HS6ST3: variants seen among roughly 807,000 people sequenced by gnomAD.
HS6ST3 encodes the protein heparan sulfate 6-O-sulfotransferase 3.
A neutral mutation model predicts 36.7 loss-of-function variants in HS6ST3; 12 were observed. The ratio of observed to expected loss-of-function variants is 0.33; its 90% CI spans 0.21 to 0.53. The LOEUF is 0.53. Ranked by LOEUF, HS6ST3 falls within the 20% of genes least tolerant of loss-of-function variation. The probability of loss-of-function intolerance (pLI) is 0.95; values close to 1 mark genes in which losing one functional copy is unlikely to be tolerated. For missense variants in HS6ST3, 584 were observed against 640.9 expected, an observed-to-expected ratio of 0.91 and a Z score of 0.96; for synonymous variants, 240 against 257.5, an observed-to-expected ratio of 0.93 and a Z score of 0.65.
At chr13:96,414,910 T>C (rs2055525610) in intron 1 of HS6ST3, among the ~76,000 whole-genome samples, 1 of 152,208 alleles carries the variant, frequency 6.6e-6, no homozygotes, top group African/African-American at 2.4e-5. Context: ...TAAGAAAGGA[T>C]GGAGCCTTTC....
chr13:96,560,328 A>C (rs1276649844), intron 1 of HS6ST3, among the ~76,000 whole-genome samples: 1 of 152,216 alleles, frequency 6.6e-6, no homozygotes, highest in African/African-American at 2.4e-5. Flanking sequence ...AGCTTTTAGC[A>C]AGTGTTCAGT....
chr13:96,746,833 C>G (rs1460863547), intron 1 of HS6ST3, among the ~76,000 whole-genome samples: 1 of 151,788 alleles, frequency 6.6e-6, no homozygotes, highest in East Asian at 1.9e-4. Context: ...CATCAATAGC[C>G]CTGAAAAATC....
At chr13:96,313,840 C>G (rs920917249) in intron 1 of HS6ST3, among the ~76,000 whole-genome samples, 1 of 152,124 alleles carries the variant, frequency 6.6e-6, no homozygotes, top group African/African-American at 2.4e-5. Context: ...CTGTGTGAGT[C>G]TCCTTGACTC....
intron 1 of HS6ST3, among the ~76,000 whole-genome samples, chr13:96,685,248 T>C (rs899949365): frequency 2.1e-4 from 32 of 152,118 alleles, no homozygotes; most frequent in African/African-American, 7.5e-4. Context: ...TTGATTATTT[T>C]GCTTAAGTCA....
intron 1 of HS6ST3, among the ~76,000 whole-genome samples, chr13:96,556,201 G>A (rs2138951953): frequency 6.6e-6 from 1 of 152,166 alleles, no homozygotes; most frequent in East Asian, 1.9e-4. Flanking sequence ...TTTTAAATTT[G>A]GAGAGAGGTA....
chr13:96,653,254 G>C (rs1305055483), intron 1 of HS6ST3, among the ~76,000 whole-genome samples: 1 of 151,940 alleles, frequency 6.6e-6, no homozygotes, highest in Admixed American at 6.6e-5. Flanking sequence ...TACATGTGCA[G>C]AATGTGTAGG....
At chr13:96,588,788 G>T (rs1050087515) in intron 1 of HS6ST3, among the ~76,000 whole-genome samples, 3 of 151,982 alleles carry the variant, frequency 2.0e-5, no homozygotes, top group Non-Finnish European at 4.4e-5. Flanking sequence ...GGTGGCTCAT[G>T]CCTGTAATTC....
intron 1 of HS6ST3, among the ~76,000 whole-genome samples, chr13:96,576,520 T>C (rs985583446): frequency 2.6e-5 from 4 of 152,222 alleles, no homozygotes; most frequent in Admixed American, 1.3e-4. Context: ...TCAAAAGTTG[T>C]GTTTAATTTC....
intron 1 of HS6ST3, among the ~76,000 whole-genome samples, chr13:96,093,015 A>G (rs2053772690): frequency 6.6e-6 from 1 of 152,158 alleles, no homozygotes; most frequent in South Asian, 2.1e-4. Context: ...TCAATTAAGT[A>G]TTACTTCCAA....
At chr13:96,100,220 C>T (rs765926522) in intron 1 of HS6ST3, among the ~76,000 whole-genome samples, 2 of 151,904 alleles carry the variant, frequency 1.3e-5, no homozygotes, top group East Asian at 1.9e-4. Context: ...GGAAGTAATC[C>T]ACTATCCAGA....
At chr13:96,666,582 A>G (rs866704812) in intron 1 of HS6ST3, among the ~76,000 whole-genome samples, 5 of 152,018 alleles carry the variant, frequency 3.3e-5, no homozygotes, top group Admixed American at 6.6e-5. Flanking sequence ...TCTCTTTACA[A>G]TTGCTCTCAC....
chr13:96,668,721 T>TA (rs2056673138), intron 1 of HS6ST3, among the ~76,000 whole-genome samples: 1 of 118,730 alleles, frequency 8.4e-6, no homozygotes, highest in African/African-American at 3.4e-5. Context: ...TTTTTTTTTT[T>TA]TTTTTGTATC....
At chr13:96,594,921 G>A (rs1470979326) in intron 1 of HS6ST3, among the ~76,000 whole-genome samples, 2 of 152,022 alleles carry the variant, frequency 1.3e-5, no homozygotes, top group Non-Finnish European at 2.9e-5. Context: ...GATGAACTTC[G>A]CTAGTATTTG....
At position 96,836,199 on chromosome 13, in the gene HS6ST3, A is replaced by G. The variant is rs1215653212; in HGVS notation, c.*3001A>G. On this transcript the variant is annotated 3_prime_UTR_variant, in exon 2 of 2. Transcript: ENST00000376705. ...GTGTCAAAAGCCCAAGAAAAGACAA[A>G]AAAGAAAAAAACAATCCCCAGGGGT... is the stretch of plus-strand genomic sequence containing the variant. The G allele has an allele frequency of 6.6e-6, 1 of 152,230 alleles. No individual in the cohort carries two copies. Among genetic ancestry groups the G allele is most frequent in the East Asian group, 1.9e-4 (1 of 5,194 alleles). 9.4% of individuals were successfully genotyped at this position (152,230 alleles called of 1,614,324 possible).
intron 1 of HS6ST3, among the ~76,000 whole-genome samples, chr13:96,554,681 A>C (rs1039804517): frequency 1.3e-5 from 2 of 152,118 alleles, no homozygotes; most frequent in Admixed American, 6.5e-5. Context: ...TCCTCCAGGC[A>C]TGGAGCCTAG....
Position 96,793,711 on chromosome 13 carries a change from A to G in HS6ST3, c.708-38779A>G, listed in dbSNP as rs144198542. Among the ~76,000 whole-genome samples, 658 of 152,212 alleles carry G rather than the reference A, an allele frequency of 4.3e-3. 7 individuals carry two copies. The highest frequency in any genetic ancestry group is 0.015 in the African/African-American group (615 of 41,556). ...TGACCTGATAATTTAAACAACCATC[A>G]TTAGACGATGCACATTTGATGTCTA... is the stretch of plus-strand genomic sequence containing the variant. On this transcript the variant is annotated intron_variant, in intron 1 of 1. Coordinates refer to ENST00000376705, the MANE Select transcript of HS6ST3 (RefSeq NM_153456.4).
rs567909118 is a variant in HS6ST3 at position 96,717,572 on chromosome 13, A to T, written c.708-114918A>T. Among the ~76,000 whole-genome samples, 10 of 152,378 alleles carry T rather than the reference A, an allele frequency of 6.6e-5. No homozygotes were observed. In the South Asian group the frequency reaches 2.1e-3, roughly 32 times the overall value. ...GCAGAGAGGTAAAGAAGAAAGAAAT[A>T]AGTAAATGAAAATACAGCATAGCTA... On this transcript the variant is annotated intron_variant, in intron 1 of 1. Coordinates refer to ENST00000376705, the MANE Select transcript of HS6ST3 (RefSeq NM_153456.4).
chr13:96,763,877 T>C (rs947804419), intron 1 of HS6ST3, among the ~76,000 whole-genome samples: 1 of 152,220 alleles, frequency 6.6e-6, no homozygotes, highest in African/African-American at 2.4e-5. Flanking sequence ...ATACAAATCA[T>C]ATTGCAACAA....
intron 1 of HS6ST3, among the ~76,000 whole-genome samples, chr13:96,355,652 T>A (rs2055206750): frequency 6.6e-6 from 1 of 152,188 alleles, no homozygotes; most frequent in South Asian, 2.1e-4. Context: ...GAGCCTTCCA[T>A]GAGTCATAAT....
Sources: allele counts gnomAD v4.1 joint callset (sites outside exome capture counted in the v4.1 genomes callset), GRCh38; gene constraint gnomAD v4.1.1; transcripts MANE v1.5; gene names NCBI Gene and HGNC (gene_info 2026-07-23, HGNC 2026-07-21).